TPD52L3: variants seen among roughly 807,000 people sequenced by gnomAD.
The protein encoded by TPD52L3 is TPD52 like 3, also known as tumor protein D55.
TPD52L3 carries 12 observed loss-of-function variants against 8.7 expected under a neutral mutation model. The observed-to-expected ratio is 1.38, with a 90% confidence interval of 0.89 to 2.24. The LOEUF (loss-of-function observed/expected upper bound fraction) is 2.24. Among genes scored for constraint, TPD52L3 ranks in the 30% most tolerant of loss-of-function variants. The pLI, the probability that TPD52L3 is intolerant of heterozygous loss-of-function variation, is 0.00. For synonymous variants in TPD52L3, 79 were observed against 66.8 expected (o/e 1.18, Z -0.89); for missense variants, 207 against 158.7 (o/e 1.30, Z -1.64).
rs1177108647 is a variant in TPD52L3 at position 6,330,474 on chromosome 9, A to G, written c.368-502A>G. ...CCTAAAATGGTAATCCCTCCAGCCT[A>G]AGAGGATGATTCTGTTTTGTTGACT... On this transcript the variant is annotated intron_variant, in intron 1 of 1. Coordinates refer to ENST00000314556, the MANE Select transcript of TPD52L3 (RefSeq NM_001001874.3). The G allele has an allele frequency of 2.3e-6, 3 of 1,297,900 alleles. No individual in the cohort carries two copies. In the East Asian group the frequency reaches 9.3e-5, roughly 40 times the overall value. The allele number at this position is 1,297,900 out of a possible 1,614,324, so 80.4% of individuals were successfully genotyped here. A position where few individuals can be genotyped will look rare whatever the true frequency, so the allele number is the denominator to read the frequency against.
chr9:6,328,924 G>A lies in TPD52L3; in HGVS notation c.329G>A (p.Gly110Glu). The change falls in exon 1 of 2, where the codon GGA becomes GAA. Residue 110 changes from glycine (G) to glutamate (E), a missense_variant. Gly to Glu is a moderately conservative substitution (Grantham distance 98, BLOSUM62 -2). Transcript: ENST00000314556. ...TMGTLICRKL[G>E]GVKKSATFRS... ...GGCACTCTCATCTGCAGGAAGCTTG[G>A]AGGCGTGAAGAAGTCGGCCACATTC... The A allele has an allele frequency of 6.2e-7, 1 of 1,614,208 alleles. No homozygotes were observed. Among genetic ancestry groups the A allele is most frequent in the Non-Finnish European group, 8.5e-7 (1 of 1,180,032 alleles).
intron 1 of TPD52L3, chr9:6,329,292 T>C: frequency 8.1e-7 from 1 of 1,239,466 alleles, no homozygotes; most frequent in Non-Finnish European, 1.0e-6. Flanking sequence ...ATTCAGGAAA[T>C]TGACAGAATC....
chr9:6,328,856 C>A lies in TPD52L3; in HGVS notation c.261C>A (p.Asn87Lys). 1 of 1,614,192 alleles carries A rather than the reference C, an allele frequency of 6.2e-7. No homozygotes were observed. The highest frequency in any genetic ancestry group is 8.5e-7 in the Non-Finnish European group (1 of 1,180,046). Residue 87 changes from asparagine to lysine, a missense_variant, in exon 1 of 2, where the codon AAC becomes AAA. Coordinates refer to ENST00000314556, the MANE Select transcript of TPD52L3 (RefSeq NM_001001874.3). ...SKSWLDVQVS[N>K]TYVKQKTSAA... is the part of the protein sequence containing the mutation. The stretch of plus-strand genomic sequence containing the variant: ...GCTGGCTTGATGTTCAGGTCTCCAA[C>A]ACCTATGTGAAACAGAAGACATCAG...
intron 1 of TPD52L3, chr9:6,329,244 C>T: frequency 7.4e-7 from 1 of 1,349,890 alleles, no homozygotes; most frequent in Non-Finnish European, 9.6e-7. Flanking sequence ...CTCTGCCCAA[C>T]AAAAACAAGC....
intron 1 of TPD52L3, chr9:6,329,206 G>A: frequency 1.4e-6 from 2 of 1,425,728 alleles, no homozygotes; most frequent in South Asian, 3.3e-5. Context: ...ACCAGTGCAA[G>A]GACCCCCTTC....
At chr9:6,330,671 T>A (rs986624792) in intron 1 of TPD52L3, 1 of 1,207,286 alleles carries the variant, frequency 8.3e-7, no homozygotes, top group Non-Finnish European at 1.0e-6. Context: ...CTATTTTGCA[T>A]GTTCGATTTT....
chr9:6,328,796 C>T lies in TPD52L3; in HGVS notation c.201C>T (p.Thr67=), dbSNP rs142696829. 7.9e-4 allele frequency: 1,268 copies of T among 1,614,034 alleles called. 3 individuals carry two copies. Among genetic ancestry groups the T allele is most frequent in the Non-Finnish European group, 1.0e-3 (1,197 of 1,180,038 alleles). Residue 67 remains threonine, a synonymous_variant, in exon 1 of 2, where the codon ACC becomes ACT. Transcript: ENST00000314556. ...AACTCAAGAGGAAGTTAGGCCTCAC[C>T]GCCTTGGTAGGGCTGAGACAGAATC... ...CGELKRKLGL[T]ALVGLRQNLS... is the part of the protein sequence containing the mutation.
chr9:6,328,840 A>G lies in TPD52L3; in HGVS notation c.245A>G (p.Asp82Gly), dbSNP rs373087849. ...LRQNLSKSWLDVQVSNTYVKQ... is the reference protein window; with the variant it reads ...LRQNLSKSWLGVQVSNTYVKQ... ...CAGAATCTGTCCAAGAGCTGGCTTG[A>G]TGTTCAGGTCTCCAACACCTATGTG... is the stretch of plus-strand genomic sequence containing the variant. The change falls in exon 1 of 2, where the codon GAT becomes GGT. Residue 82 changes from aspartate to glycine, a missense_variant. Coordinates refer to ENST00000314556, the MANE Select transcript of TPD52L3 (RefSeq NM_001001874.3). The G allele has an allele frequency of 4.0e-5, 64 of 1,614,038 alleles. No homozygotes were observed. The African/African-American group carries it at 5.1e-4, about 13-fold the overall frequency.
At chr9:6,329,704 GAA>G (rs1818107220) in intron 1 of TPD52L3, 1 of 1,001,930 alleles carries the variant, frequency 1.0e-6, no homozygotes, top group African/African-American at 1.7e-5. Flanking sequence ...CTGAGACTCA[GAA>G]AAAGAGGGGA....
rs1030710678 is a variant in TPD52L3, at chr9:6,329,394, C to T, written c.367+432C>T. On this transcript the variant is annotated intron_variant, in intron 1 of 1. Transcript: ENST00000314556. ...GTTATTTTTCACTTAAGTTTGTAGA[C>T]GAAATGTGCCATTATATTAGCTTTC... 1.3e-5 allele frequency: 14 copies of T among 1,061,952 alleles called. No individual in the cohort carries two copies. In the East Asian group the frequency reaches 4.0e-4, roughly 31 times the overall value. The allele number at this position is 1,061,952 out of a possible 1,614,324, so 65.8% of individuals were successfully genotyped here.
intron 1 of TPD52L3, chr9:6,329,232 A>C: frequency 1.5e-6 from 2 of 1,368,756 alleles, no homozygotes; most frequent in Non-Finnish European, 1.9e-6. Flanking sequence ...TTACATTTGC[A>C]ACTCTGCCCA....
rs929933948 is a variant in TPD52L3, at chr9:6,329,533, G to A, written c.367+571G>A. 1.5e-5 allele frequency: 15 copies of A among 1,008,424 alleles called. No homozygotes were observed. The South Asian group carries it at 6.8e-4, about 46-fold the overall frequency. The allele number at this position is 1,008,424 out of a possible 1,614,324, so 62.5% of individuals were successfully genotyped here. On this transcript the variant is annotated intron_variant, in intron 1 of 1. Transcript: ENST00000314556. ...AAAGCCAAAGTAGAGTTCTGTTTAA[G>A]CTTGAAAGAGGTATGAAGTAATCTG...
Position 6,328,554 on chromosome 9 carries a change from T to A in TPD52L3, c.-42T>A. ...ATAATTCGACTCTTTCTACCAAGAA[T>A]TGGACCTGGACTCTCTTAACGAAGA... On this transcript the variant is annotated 5_prime_UTR_variant, in exon 1 of 2. The change creates a new upstream start codon in the 5' untranslated region. Transcript: ENST00000314556. The A allele has an allele frequency of 6.3e-7, 1 of 1,586,076 alleles. No homozygotes were observed. Among genetic ancestry groups the A allele is most frequent in the Non-Finnish European group, 8.6e-7 (1 of 1,168,928 alleles).
intron 1 of TPD52L3, 103 bp from the exon 2 acceptor site, chr9:6,330,873 T>G (rs1435233956): frequency 5.2e-6 from 8 of 1,533,474 alleles, no homozygotes; most frequent in Non-Finnish European, 7.0e-6. Context: ...ATTTAATAAT[T>G]TCTACAACAG....
Position 6,328,743 on chromosome 9 carries a change from C to T in TPD52L3, c.148C>T (p.Leu50=). 6.2e-7 allele frequency: 1 copy of T among 1,614,218 alleles called. No homozygotes were observed. The highest frequency in any genetic ancestry group is 8.5e-7 in the Non-Finnish European group (1 of 1,180,046). Residue 50 remains leucine, a synonymous_variant, in exon 1 of 2, where the codon CTA becomes TTA. Coordinates refer to ENST00000314556, the MANE Select transcript of TPD52L3 (RefSeq NM_001001874.3). ...EAEIVTLRHV[L]AAKERRCGEL... is the part of the protein sequence containing the mutation. ...TGAAATTGTAACCCTACGCCACGTACTAGCAGCCAAAGAGAGACGCTGTGG... is the reference window on the plus strand; with the variant it reads ...TGAAATTGTAACCCTACGCCACGTATTAGCAGCCAAAGAGAGACGCTGTGG...
At chr9:6,330,859 T>G in intron 1 of TPD52L3, 117 bp from the exon 2 acceptor site, 2 of 1,491,258 alleles carry the variant, frequency 1.3e-6, no homozygotes, top group South Asian at 2.8e-5. Context: ...AGATGTTATA[T>G]TTTATTTAAT....
rs199532408 is a variant in TPD52L3, at chr9:6,330,966, T to C, written c.368-10T>C. On this transcript the variant is annotated splice_polypyrimidine_tract_variant and intron_variant, in intron 1 of 1. Transcript: ENST00000314556. The stretch of plus-strand genomic sequence containing the variant: ...TTTTGCTGATCATTGTTTTCCCATT[T>C]CTGGCTTAGGATTGATCTTCAATAA... The C allele has an allele frequency of 2.6e-4, 412 of 1,612,012 alleles. 1 individual carries two copies. Among genetic ancestry groups the C allele is most frequent in the Non-Finnish European group, 3.3e-4 (387 of 1,179,216 alleles).
At chr9:6,329,141 A>G in intron 1 of TPD52L3, 179 bp downstream of exon 1, 3 of 1,482,610 alleles carry the variant, frequency 2.0e-6, no homozygotes, top group Non-Finnish European at 2.7e-6. Flanking sequence ...GAGGATGACC[A>G]TCTCCACTTT....
In TPD52L3 at chr9:6,331,140, C is replaced by T; in HGVS notation, c.*121C>T. Reference sequence around the variant, plus strand: ...TGTTTATTCAAAGCCAATCTGAGACCCTACTCTGTATCAAGAACTGTCCCA... The same window carrying T: ...TGTTTATTCAAAGCCAATCTGAGACTCTACTCTGTATCAAGAACTGTCCCA... On this transcript the variant is annotated 3_prime_UTR_variant, in exon 2 of 2. Coordinates refer to ENST00000314556, the MANE Select transcript of TPD52L3 (RefSeq NM_001001874.3). The T allele has an allele frequency of 9.6e-7, 1 of 1,040,680 alleles. No homozygotes were observed. The highest frequency in any genetic ancestry group is 1.4e-6 in the Non-Finnish European group (1 of 700,692). The allele number at this position is 1,040,680 out of a possible 1,614,324, so 64.5% of individuals were successfully genotyped here. A position where few individuals can be genotyped will look rare whatever the true frequency, so the allele number is the denominator to read the frequency against.
Sources: gnomAD v4.1 joint callset for allele counts on GRCh38, gnomAD v4.1.1 for gene constraint, MANE v1.5 for transcripts, NCBI Gene and HGNC (gene_info 2026-07-23, HGNC 2026-07-21) for gene names.